Variants in THUMPD3 observed in about 807,000 individuals in gnomAD.
THUMPD3 encodes tRNA (guanine(6)-N(2))-methyltransferase THUMP3.
A neutral mutation model predicts 54.5 loss-of-function variants in THUMPD3; 44 were observed. The observed-to-expected ratio is 0.81, with a 90% CI of 0.63 to 1.04. The LOEUF is 1.04. Among genes scored for constraint, THUMPD3 ranks in the 50% least tolerant of loss-of-function variants. The probability of loss-of-function intolerance (pLI) is 0.00; values close to 1 mark genes in which losing one functional copy is unlikely to be tolerated. For synonymous variants in THUMPD3, 196 were observed against 201.4 expected (o/e 0.97, Z 0.23); for missense variants, 604 against 601.3 (o/e 1.00, Z -0.05).
At chr3:9,376,532 C>T (rs1252533017) in intron 5 of THUMPD3, among the ~76,000 whole-genome samples, 2 of 152,168 alleles carry the variant, frequency 1.3e-5, no homozygotes, top group South Asian at 4.1e-4. Flanking sequence ...GTGCTTACCC[C>T]CTCAAGAGGG....
intron 8 of THUMPD3, among the ~76,000 whole-genome samples, chr3:9,383,787 CTTAT>C (rs1157571954): frequency 6.6e-6 from 1 of 152,094 alleles, no homozygotes; most frequent in African/African-American, 2.4e-5. Flanking sequence ...TCATGCCCAG[CTTAT>C]TTTTGTATTT....
chr3:9,371,439 A>G lies in THUMPD3; in HGVS notation c.710A>G (p.Lys237Arg), dbSNP rs769920167. The G allele has an allele frequency of 3.1e-6, 5 of 1,614,228 alleles. No homozygotes were observed. The highest frequency in any genetic ancestry group is 4.2e-6 in the Non-Finnish European group (5 of 1,180,040). The part of the protein sequence containing the change: ...FRVTCNRAGE[K>R]HCFTSNEAAR... ...GTCACATGCAACAGGGCAGGAGAGAAACATTGCTTTACCTCAAATGAGGCT... is the reference window on the plus strand; with the variant it reads ...GTCACATGCAACAGGGCAGGAGAGAGACATTGCTTTACCTCAAATGAGGCT... Residue 237 changes from lysine to arginine, a missense_variant, in exon 4 of 10, where the codon AAA (lysine) becomes AGA (arginine). Transcript: ENST00000452837.
chr3:9,373,194 G>A, intron 4 of THUMPD3, among the ~76,000 whole-genome samples: 1 of 152,130 alleles, frequency 6.6e-6, no homozygotes, highest in East Asian at 1.9e-4. Context: ...TGCTGCATTG[G>A]TTTAAATCCC....
At chr3:9,366,331 C>T (rs1415397983) in intron 2 of THUMPD3, among the ~76,000 whole-genome samples, 4 of 151,708 alleles carry the variant, frequency 2.6e-5, no homozygotes, top group African/African-American at 7.3e-5. Flanking sequence ...TTTTTTTTTC[C>T]ACCAATATAT....
At chr3:9,379,390 GA>G (rs1559309482) in intron 6 of THUMPD3, among the ~76,000 whole-genome samples, 1 of 152,126 alleles carries the variant, frequency 6.6e-6, no homozygotes, top group Non-Finnish European at 1.5e-5. Flanking sequence ...CTGGGCAAAA[GA>G]AAAAGTTATG....
At position 9,371,177 on chromosome 3, in the gene THUMPD3, A is replaced by T. The variant is rs749020374; in HGVS notation, c.448A>T (p.Asn150Tyr). 19 of 1,612,238 alleles carry T rather than the reference A, an allele frequency of 1.2e-5. No individual in the cohort carries two copies. The highest frequency in any genetic ancestry group is 1.5e-5 in the Non-Finnish European group (18 of 1,179,636). ...GAAAAAAGCAAAGCGCAAAAAGATA[A>T]ATCAGAATTCAAGTAAAGAGAAGAT... ...KKKKAKRKKI[N>Y]QNSSKEKINN... The change falls in exon 4 of 10, where the codon AAT becomes TAT. Residue 150 changes from asparagine (N) to tyrosine (Y), a missense_variant. By Grantham distance (143) the Asn-to-Tyr change is moderately radical. Transcript: ENST00000452837.
At chr3:9,382,892 A>G (rs1240070742) in intron 7 of THUMPD3, 1 of 212,606 alleles carries the variant, frequency 4.7e-6, no homozygotes, top group East Asian at 1.0e-4. Flanking sequence ...ATGCCCTGCT[A>G]ACTTCTTAAA....
rs9875509 is a variant in THUMPD3 at position 9,367,116 on chromosome 3, A to G, written c.330+131A>G. Reference sequence around the variant, plus strand: ...ATAGAGAATACTGGGAGGCTTTTACAGTAAAATCTAGAGTTTTGCTGACAG... The same window carrying G: ...ATAGAGAATACTGGGAGGCTTTTACGGTAAAATCTAGAGTTTTGCTGACAG... On this transcript the variant is annotated intron_variant, in intron 3 of 9. Coordinates refer to ENST00000452837, the MANE Select transcript of THUMPD3 (RefSeq NM_001114092.2). 4,407 of 618,102 alleles carry G rather than the reference A, an allele frequency of 7.1e-3. 157 individuals carry two copies. The African/African-American group carries it at 0.072, about 10-fold the overall frequency. The allele number at this position is 618,102 out of a possible 1,614,324, so 38.3% of individuals were successfully genotyped here.
rs767525828 is a variant in THUMPD3 at position 9,371,096 on chromosome 3, A to T, written c.367A>T (p.Lys123Ter). 1 of 1,577,024 alleles carries T rather than the reference A, an allele frequency of 6.3e-7. No homozygotes were observed. The highest frequency in any genetic ancestry group is 2.1e-5 in the Admixed American group (1 of 48,298). ...AAAGGATTTTGAAGACTTGGCTGGA[A>T]AACTCCCATGGTCAAACCCCTTAAA... ...VLKDFEDLAG[K>*]LPWSNPLKVW... is the part of the protein sequence containing the mutation. Residue 123 changes from lysine (K) to a stop codon, truncating the protein, a stop_gained, in exon 4 of 10, where the codon AAA (lysine) becomes TAA (stop). Transcript: ENST00000452837. LOFTEE classifies it high-confidence loss of function.
At chr3:9,364,408 A>G (rs1410442918) in intron 1 of THUMPD3, among the ~76,000 whole-genome samples, 1 of 151,860 alleles carries the variant, frequency 6.6e-6, no homozygotes, top group Non-Finnish European at 1.5e-5. Flanking sequence ...GTGCAGTGGC[A>G]TGATCTCAGC....
intron 3 of THUMPD3, among the ~76,000 whole-genome samples, chr3:9,368,155 CTT>C (rs1337249767): frequency 6.6e-6 from 1 of 152,058 alleles, no homozygotes; most frequent in Non-Finnish European, 1.5e-5. Context: ...AATGAGTTCT[CTT>C]AAGTATTCAG....
intron 8 of THUMPD3, among the ~76,000 whole-genome samples, chr3:9,383,900 G>T (rs1265719371): frequency 1.3e-5 from 2 of 152,180 alleles, no homozygotes; most frequent in African/African-American, 2.4e-5. Context: ...GGGATTACAG[G>T]CATGAGCCAC....
intron 4 of THUMPD3, among the ~76,000 whole-genome samples, chr3:9,373,396 T>G (rs990171878): frequency 1.3e-5 from 2 of 152,042 alleles, no homozygotes; most frequent in Non-Finnish European, 2.9e-5. Context: ...CTTGGGAGGC[T>G]GAAGTAAGAG....
chr3:9,365,325 G>T lies in THUMPD3; in HGVS notation c.252+5G>T. On this transcript the variant is annotated splice_donor_5th_base_variant and intron_variant, in intron 2 of 9. Transcript: ENST00000452837. Reference sequence around the variant, plus strand: ...TCAGTGGAAAGTCTGGCACAGGTTTGAATGGAGCAATATTTAAAATAGTTT... The same window carrying T: ...TCAGTGGAAAGTCTGGCACAGGTTTTAATGGAGCAATATTTAAAATAGTTT... 6.2e-7 allele frequency: 1 copy of T among 1,613,986 alleles called. No homozygotes were observed. Among genetic ancestry groups the T allele is most frequent in the South Asian group, 1.1e-5 (1 of 91,016 alleles).
rs1324100580 is a variant in THUMPD3 at position 9,386,248 on chromosome 3, C to T, written c.*1560C>T. 1 of 152,100 alleles carries T rather than the reference C, an allele frequency of 6.6e-6. No homozygotes were observed. Among genetic ancestry groups the T allele is most frequent in the Non-Finnish European group, 1.5e-5 (1 of 68,028 alleles). 9.4% of individuals were successfully genotyped at this position (152,100 alleles called of 1,614,324 possible). ...TTACCACTATCAGAATTCACAGCTGCTTTGTTTATGGGCCGAACACAAAAC... is the reference window on the plus strand; with the variant it reads ...TTACCACTATCAGAATTCACAGCTGTTTTGTTTATGGGCCGAACACAAAAC... On this transcript the variant is annotated 3_prime_UTR_variant, in exon 10 of 10. Coordinates refer to ENST00000452837, the MANE Select transcript of THUMPD3 (RefSeq NM_001114092.2).
At position 9,380,605 on chromosome 3, in the gene THUMPD3, CA is replaced by C; in HGVS notation, c.1114del (p.Ile372LeufsTer12). 1 of 1,608,682 alleles carries C rather than the reference CA, an allele frequency of 6.2e-7. No individual in the cohort carries two copies. The highest frequency in any genetic ancestry group is 2.2e-5 in the East Asian group (1 of 44,734). On this transcript the variant is annotated frameshift_variant, in exon 7 of 10. Coordinates refer to ENST00000452837, the MANE Select transcript of THUMPD3 (RefSeq NM_001114092.2). LOFTEE classifies it high-confidence loss of function. ...NNIASLLTKS[Q>X]IKEGKPSWGL... Reference sequence around the variant, plus strand: ...CATTGCATCTTTATTGACCAAGAGCCAAATTAAAGAAGGGTAAAAATTTAAA... The same window carrying C: ...CATTGCATCTTTATTGACCAAGAGCCAATTAAAGAAGGGTAAAAATTTAAA...
rs144921281 is a variant in THUMPD3, at chr3:9,370,708, A to C, written c.331-352A>C. 3.3e-5 allele frequency among the ~76,000 whole-genome samples: 5 copies of C among 152,324 alleles called. No homozygotes were observed. The East Asian group carries it at 9.6e-4, about 29-fold the overall frequency. On this transcript the variant is annotated intron_variant, in intron 3 of 9. Transcript: ENST00000452837. ...TGATCCACTTGCTTCAGCTTCCTAA[A>C]GTGCTGGGATTACAGGCATGAGCCA... is the stretch of plus-strand genomic sequence containing the variant.
chr3:9,368,196 C>A (rs1209453688), intron 3 of THUMPD3, among the ~76,000 whole-genome samples: 1 of 151,502 alleles, frequency 6.6e-6, no homozygotes, highest in Admixed American at 6.6e-5. Flanking sequence ...TTAGTCCCCA[C>A]CCCCCTCTTT....
intron 4 of THUMPD3, among the ~76,000 whole-genome samples, chr3:9,373,667 GT>G (rs930199362): frequency 3.2e-4 from 48 of 152,334 alleles, no homozygotes; most frequent in Middle Eastern, 3.4e-3. Flanking sequence ...TTCTGCTGTG[GT>G]TAAGCTCAGG....
Sources: gnomAD v4.1 joint callset for allele counts (sites outside exome capture counted in the v4.1 genomes callset) on GRCh38, gnomAD v4.1.1 for gene constraint, MANE v1.5 for transcripts, NCBI Gene and HGNC (gene_info 2026-07-23, HGNC 2026-07-21) for gene names.